The following HDAC9 variants were observed in gnomAD, a reference collection of about 807,000 sequenced individuals.
The protein encoded by HDAC9 is MEF-2 interacting transcription repressor (MITR) protein.
HDAC9 carries 41 observed loss-of-function variants against 139.4 expected under a neutral mutation model. The observed-to-expected ratio is 0.29, with a 90% confidence interval of 0.23 to 0.38. The LOEUF (loss-of-function observed/expected upper bound fraction) is 0.38, where lower values mean the gene tolerates loss of function less well. HDAC9 is among the 10% of genes least tolerant of loss of function. The probability of loss-of-function intolerance (pLI) is 1.00; values close to 1 mark genes in which losing one functional copy is unlikely to be tolerated. For missense variants in HDAC9, 1,147 were observed against 1,297.0 expected (o/e 0.88, Z 1.78); for synonymous variants, 517 against 476.2 (o/e 1.09, Z -1.12).
intron 1 of HDAC9, among the ~76,000 whole-genome samples, chr7:18,475,424 G>A (rs142091234): frequency 2.6e-5 from 4 of 152,154 alleles, no homozygotes; most frequent in South Asian, 2.1e-4. Context: ...AATATTTTTG[G>A]TTACCATTTC....
chr7:18,153,714 TATTCTCCTGCCTCAG>T (rs1786959126), intron 1 of HDAC9, among the ~76,000 whole-genome samples: 1 of 152,242 alleles, frequency 6.6e-6, no homozygotes, highest in Non-Finnish European at 1.5e-5. Flanking sequence ...CTCTAGAACC[TATTCTCCTGCCTCAG>T]ATGGAGGGAT....
intron 1 of HDAC9, among the ~76,000 whole-genome samples, chr7:18,111,681 T>C (rs1156796060): frequency 6.6e-6 from 1 of 152,198 alleles, no homozygotes; most frequent in African/African-American, 2.4e-5. Context: ...TTGTTATTGC[T>C]TATTTATTTA....
At chr7:18,635,672 G>A (rs1783665672) in intron 8 of HDAC9, among the ~76,000 whole-genome samples, 1 of 152,004 alleles carries the variant, frequency 6.6e-6, no homozygotes, top group South Asian at 2.1e-4. Flanking sequence ...TCTGTGCAAG[G>A]AGAGCTGGTG....
At chr7:18,651,856 T>G (rs1789386529) in intron 11 of HDAC9, among the ~76,000 whole-genome samples, 1 of 152,124 alleles carries the variant, frequency 6.6e-6, no homozygotes, top group African/African-American at 2.4e-5. Flanking sequence ...ATCCCTGGAA[T>G]GGGCTTGTAT....
intron 2 of HDAC9, among the ~76,000 whole-genome samples, chr7:18,559,345 C>T (rs1326951788): frequency 2.0e-5 from 3 of 152,146 alleles, no homozygotes; most frequent in South Asian, 4.1e-4. Context: ...GTTCAATCAC[C>T]TTCTTATCCT....
At position 18,143,671 on chromosome 7, in the gene HDAC9, A is replaced by G. The variant is rs186515687; in HGVS notation, c.-96-18558A>G. 5.4e-3 allele frequency among the ~76,000 whole-genome samples: 819 copies of G among 152,090 alleles called. 5 individuals carry two copies. Among genetic ancestry groups the G allele is most frequent in the Non-Finnish European group, 8.2e-3 (558 of 67,982 alleles). On this transcript the variant is annotated intron_variant, in intron 1 of 12. Transcript: ENST00000417496. ...CGTGGTGGCGGGCACCTGTAATCCC[A>G]GCTACTCAGGAGGTTGAGGCAGGAG...
At chr7:18,275,802 C>T (rs1237138079) in intron 2 of HDAC9, among the ~76,000 whole-genome samples, 1 of 152,210 alleles carries the variant, frequency 6.6e-6, no homozygotes. Context: ...GATTGTAACA[C>T]TCTCATTCCA....
intron 2 of HDAC9, among the ~76,000 whole-genome samples, chr7:18,504,641 T>C (rs533107820): frequency 6.2e-4 from 56 of 89,808 alleles, no homozygotes; most frequent in African/African-American, 1.4e-3. Flanking sequence ...TGTAAGCATA[T>C]TTTTTTCAAA....
intron 12 of HDAC9, among the ~76,000 whole-genome samples, chr7:18,715,818 T>A (rs1350924810): frequency 6.6e-6 from 1 of 152,206 alleles, no homozygotes; most frequent in African/African-American, 2.4e-5. Flanking sequence ...ATTTTTTAAA[T>A]TAATGACCTC....
intron 2 of HDAC9, among the ~76,000 whole-genome samples, chr7:18,230,840 C>T (rs549302110): frequency 3.7e-4 from 56 of 152,112 alleles, no homozygotes; most frequent in East Asian, 1.2e-3. Flanking sequence ...GAGATTAATG[C>T]GTTCCAACAA....
At chr7:18,784,046 C>T (rs769296723) in intron 16 of HDAC9, among the ~76,000 whole-genome samples, 2 of 151,948 alleles carry the variant, frequency 1.3e-5, no homozygotes, top group Non-Finnish European at 2.9e-5. Context: ...TTGTGGCTTT[C>T]GGTGTCATTT....
intron 10 of HDAC9, 60 bp from the exon 11 acceptor site, chr7:18,648,406 G>GTATA (rs1788108099): frequency 9.8e-7 from 1 of 1,024,616 alleles, no homozygotes; most frequent in Non-Finnish European, 1.4e-6. Context: ...TTGTGTGTGT[G>GTATA]TGTATGTGTG....
At chr7:18,204,103 C>T (rs886088163) in intron 2 of HDAC9, among the ~76,000 whole-genome samples, 1 of 151,918 alleles carries the variant, frequency 6.6e-6, no homozygotes, top group African/African-American at 2.4e-5. Flanking sequence ...AGAGGGACCT[C>T]CATTAGTGGG....
rs116418772 is a variant in HDAC9, at chr7:18,980,019, T to C, written c.3170+4066T>C. ...ATATAAATTTTGTTTTTAATTTTCA[T>C]CCAGTGTCAACAAAGCCTTAGCTGA... On this transcript the variant is annotated intron_variant, in intron 25 of 25. Coordinates refer to ENST00000686413, the MANE Select transcript of HDAC9 (RefSeq NM_178425.4). Among the ~76,000 whole-genome samples, 734 of 152,314 alleles carry C rather than the reference T, an allele frequency of 4.8e-3. 7 individuals carry two copies. Among genetic ancestry groups the C allele is most frequent in the African/African-American group, 0.017 (707 of 41,558 alleles).
chr7:18,146,679 T>G (rs543660169), intron 1 of HDAC9, among the ~76,000 whole-genome samples: 5 of 152,334 alleles, frequency 3.3e-5, no homozygotes, highest in African/African-American at 1.2e-4. Flanking sequence ...TATTTTCGAT[T>G]CTTCTTGTAT....
intron 25 of HDAC9, among the ~76,000 whole-genome samples, chr7:18,982,025 G>A (rs1310448569): frequency 6.6e-6 from 1 of 152,086 alleles, no homozygotes; most frequent in Non-Finnish European, 1.5e-5. Flanking sequence ...AGAGAATCAG[G>A]GTGGAAGAAT....
chr7:18,417,043 T>C (rs1466983746), intron 1 of HDAC9, among the ~76,000 whole-genome samples: 37 of 152,284 alleles, frequency 2.4e-4, no homozygotes, highest in Non-Finnish European at 5.9e-5. Flanking sequence ...TATTTTTCCA[T>C]CCCTTGCCTT....
intron 8 of HDAC9, among the ~76,000 whole-genome samples, chr7:18,644,195 G>A (rs927759622): frequency 1.3e-5 from 2 of 152,158 alleles, no homozygotes; most frequent in East Asian, 3.9e-4. Flanking sequence ...TGATTACTAT[G>A]GAAGCCCTAT....
At chr7:18,757,858 G>C (rs1209290358) in intron 14 of HDAC9, among the ~76,000 whole-genome samples, 2 of 152,074 alleles carry the variant, frequency 1.3e-5, no homozygotes, top group Admixed American at 6.6e-5. Context: ...CTTTCAGAAA[G>C]ACTATTTCTT....
Sources: allele counts gnomAD v4.1 joint callset (sites outside exome capture counted in the v4.1 genomes callset), GRCh38; gene constraint gnomAD v4.1.1; transcripts MANE v1.5; gene names NCBI Gene and HGNC (gene_info 2026-07-23, HGNC 2026-07-21).